The following FAM53A variants were observed in gnomAD, a reference collection of about 807,000 sequenced individuals.
FAM53A encodes protein FAM53A.
Under a neutral mutation model 26.6 loss-of-function variants are expected in FAM53A, and 28 were observed. The ratio of observed to expected loss-of-function variants is 1.05; its 90% CI spans 0.78 to 1.45. The LOEUF (loss-of-function observed/expected upper bound fraction) is 1.45. Ranked by LOEUF, FAM53A falls within the 40% of genes most tolerant of loss-of-function variation. The pLI, the probability that FAM53A is intolerant of heterozygous loss-of-function variation, is 0.00. For missense variants in FAM53A, 650 were observed against 575.8 expected (o/e 1.13, Z -1.32); for synonymous variants, 290 against 253.1 (o/e 1.15, Z -1.38).
rs779225933 is a variant in FAM53A, at chr4:1,641,451, G to T, written c.1039C>A (p.Pro347Thr). The change falls in exon 5 of 5, where the codon CCT becomes ACT. Residue 347 changes from proline (P) to threonine (T), a missense_variant. Physicochemically the swap from Pro to Thr is conservative, Grantham distance 38 (BLOSUM62 -1). Coordinates refer to ENST00000308132, the MANE Select transcript of FAM53A (RefSeq NM_001174070.3). ...GCSQRGLRTS[P>T]VHPNLWASRE... is the part of the protein sequence containing the mutation. ...GAGGCCCACAGGTTGGGGTGGACAG[G>T]GCTGGTCCTGAGGCCCCTCTGGCTG... The T allele has an allele frequency of 6.2e-7, 1 of 1,614,106 alleles. No homozygotes were observed. The highest frequency in any genetic ancestry group is 1.1e-5 in the South Asian group (1 of 91,082).
chr4:1,658,390 T>C (rs542062200), intron 2 of FAM53A, among the ~76,000 whole-genome samples: 1 of 152,348 alleles, frequency 6.6e-6, no homozygotes, highest in East Asian at 1.9e-4. Context: ...CCTCCTGCCT[T>C]TCGGCAGCCT....
downstream of FAM53A, among the ~76,000 whole-genome samples, chr4:1,613,132 T>C (rs890993337): frequency 6.6e-6 from 1 of 152,204 alleles, no homozygotes; most frequent in African/African-American, 2.4e-5. Context: ...GCAGGGCTAT[T>C]CCCACCTCTG....
At chr4:1,638,104 C>T (rs902596724), downstream of FAM53A, among the ~76,000 whole-genome samples, 3 of 152,088 alleles carry the variant, frequency 2.0e-5, no homozygotes, top group Non-Finnish European at 4.4e-5. Context: ...AGCATCCACA[C>T]GAGGCAGCAG....
At chr4:1,647,236 T>C (rs1346592747) in intron 4 of FAM53A, among the ~76,000 whole-genome samples, 1 of 151,084 alleles carries the variant, frequency 6.6e-6, no homozygotes, top group East Asian at 1.9e-4. Context: ...CTCAGGAGAC[T>C]GAGGCAGAGA....
the FAM53A span, among the ~76,000 whole-genome samples, chr4:1,594,024 TG>T: frequency 6.6e-6 from 1 of 151,956 alleles, no homozygotes; most frequent in African/African-American, 2.4e-5. Flanking sequence ...CAGGGGCCGC[TG>T]GGGGCAGCTC....
the FAM53A span, among the ~76,000 whole-genome samples, chr4:1,597,717 C>T: frequency 3.3e-5 from 5 of 152,326 alleles, no homozygotes; most frequent in South Asian, 2.1e-4. Context: ...GAGGACCAGC[C>T]GGGCGCGGTG....
chr4:1,638,884 G>A (rs1014357622), downstream of FAM53A, among the ~76,000 whole-genome samples: 1 of 152,232 alleles, frequency 6.6e-6, no homozygotes, highest in African/African-American at 2.4e-5. Flanking sequence ...AGGTAACACA[G>A]TGGACAGATC....
rs368103379 is a variant in FAM53A at position 1,652,414 on chromosome 4, C to G, written c.882+2564G>C. ...GCACACCACACACACCAGACACACA[C>G]ACGCCACATACACACCACACATCAC... On this transcript the variant is annotated intron_variant, in intron 4 of 4. Coordinates refer to ENST00000308132, the MANE Select transcript of FAM53A (RefSeq NM_001174070.3). Among the ~76,000 whole-genome samples the G allele has an allele frequency of 7.6e-3, 1,073 of 141,620 alleles. 11 individuals are homozygous for G. The highest frequency in any genetic ancestry group is 0.025 in the African/African-American group (969 of 38,732). 92.9% of individuals were successfully genotyped at this position (141,620 alleles called of 152,430 possible). A position where few individuals can be genotyped will look rare whatever the true frequency, so the allele number is the denominator to read the frequency against.
chr4:1,599,568 A>G, the FAM53A span, among the ~76,000 whole-genome samples: 5 of 152,058 alleles, frequency 3.3e-5, 1 homozygote, highest in African/African-American at 9.7e-5. The surrounding 1 kb of genome is among the most constrained non-coding windows in gnomAD (Gnocchi z 6.1). Flanking sequence ...AAATAGCACA[A>G]TTTTCAAGGG....
intron 1 of FAM53A, among the ~76,000 whole-genome samples, chr4:1,679,552 G>A (rs913239657): frequency 4.0e-5 from 6 of 151,120 alleles, no homozygotes; most frequent in African/African-American, 1.5e-4. Context: ...CTGGCGTGGT[G>A]GCACGCACCT....
chr4:1,652,768 A>G (rs1450134524), intron 4 of FAM53A, among the ~76,000 whole-genome samples: 1 of 142,776 alleles, frequency 7.0e-6, no homozygotes, highest in Non-Finnish European at 1.5e-5. Context: ...CACAGACTAC[A>G]CACCACACAG....
At chr4:1,653,619 C>T (rs1713069197) in intron 4 of FAM53A, among the ~76,000 whole-genome samples, 1 of 152,194 alleles carries the variant, frequency 6.6e-6, no homozygotes. Context: ...CAGGTCAGCC[C>T]ATCTCATAGC....
In FAM53A at chr4:1,655,090, C is replaced by G; in HGVS notation, c.770G>C (p.Arg257Pro). 6.2e-7 allele frequency: 1 copy of G among 1,601,680 alleles called. No individual in the cohort carries two copies. The highest frequency in any genetic ancestry group is 8.5e-7 in the Non-Finnish European group (1 of 1,174,078). ...GAGCACGCAAGGCTGTGAGCGGCAC[C>G]GGAGCAGCCCACGGCGCCCGCCCAG... is the stretch of plus-strand genomic sequence containing the variant. ...PALGGRRGLLRCRSQPCVLSG... is the reference protein window; with the variant it reads ...PALGGRRGLLPCRSQPCVLSG... The change falls in exon 4 of 5, where the codon CGG (arginine) becomes CCG (proline). Residue 257 changes from arginine to proline, a missense_variant. Physicochemically the swap from Arg to Pro is moderately radical, Grantham distance 103. Coordinates refer to ENST00000308132, the MANE Select transcript of FAM53A (RefSeq NM_001174070.3).
chr4:1,583,665 T>C, the FAM53A span, among the ~76,000 whole-genome samples: 1 of 152,246 alleles, frequency 6.6e-6, no homozygotes, highest in South Asian at 2.1e-4. Context: ...ACCCTGCTGC[T>C]GTGCTCCGCC....
At chr4:1,590,401 C>T in the FAM53A span, among the ~76,000 whole-genome samples, 1 of 152,184 alleles carries the variant, frequency 6.6e-6, no homozygotes, top group African/African-American at 2.4e-5. Context: ...CGGGTGCTCC[C>T]TCATTTGATG....
chr4:1,593,065 C>G, the FAM53A span, among the ~76,000 whole-genome samples: 1 of 152,176 alleles, frequency 6.6e-6, no homozygotes, highest in Non-Finnish European at 1.5e-5. Context: ...GGAGCACGAG[C>G]GGGCGCAGCA....
chr4:1,647,084 C>T (rs1404293589), intron 4 of FAM53A, among the ~76,000 whole-genome samples: 1 of 152,146 alleles, frequency 6.6e-6, no homozygotes, highest in Non-Finnish European at 1.5e-5. Flanking sequence ...CCTGTAATCC[C>T]AGCACTTTGG....
chr4:1,622,558 C>G (rs1022961827), intron 1 of FAM53A, among the ~76,000 whole-genome samples: 1 of 152,200 alleles, frequency 6.6e-6, no homozygotes, highest in Non-Finnish European at 1.5e-5. Flanking sequence ...CCTCTGTGCC[C>G]GTTTTAAATG....
At chr4:1,588,515 C>A in the FAM53A span, among the ~76,000 whole-genome samples, 1 of 152,154 alleles carries the variant, frequency 6.6e-6, no homozygotes, top group African/African-American at 2.4e-5. Context: ...GGTGGGGGCA[C>A]CTGCTGTGTC....
Sources: gnomAD v4.1 joint callset for allele counts (sites outside exome capture counted in the v4.1 genomes callset) on GRCh38, gnomAD v4.1.1 for gene constraint, Gnocchi (gnomAD v3.1) non-coding constraint, MANE v1.5 for transcripts, NCBI Gene and HGNC (gene_info 2026-07-23, HGNC 2026-07-21) for gene names.